COL19A1: variants seen among roughly 807,000 people sequenced by gnomAD.
COL19A1 encodes collagen alpha-1(XIX) chain.
A neutral mutation model predicts 190.2 loss-of-function variants in COL19A1; 159 were observed. The observed-to-expected ratio is 0.84, with a 90% confidence interval of 0.73 to 0.95. COL19A1 has a LOEUF of 0.95. Ranked by LOEUF, COL19A1 falls within the 40% of genes least tolerant of loss-of-function variation. COL19A1 has a pLI of 0.00. For missense variants in COL19A1, 1,418 were observed against 1,431.9 expected (o/e 0.99, Z 0.16); for synonymous variants, 509 against 458.9 (o/e 1.11, Z -1.39).
At chr6:70,101,041 G>T (rs1006223624) in intron 15 of COL19A1, among the ~76,000 whole-genome samples, 4 of 152,096 alleles carry the variant, frequency 2.6e-5, no homozygotes, top group Non-Finnish European at 4.4e-5. Flanking sequence ...AGGCAACTTT[G>T]CCTGACATTT....
At chr6:70,172,991 T>G (rs1464572255) in intron 41 of COL19A1, among the ~76,000 whole-genome samples, 1 of 152,220 alleles carries the variant, frequency 6.6e-6, no homozygotes, top group East Asian at 1.9e-4. Context: ...AAGGTAGCAC[T>G]GATAGGATTT....
chr6:70,149,643 C>T, intron 27 of COL19A1, 61 bp from the exon 28 acceptor site: 3 of 1,594,418 alleles, frequency 1.9e-6, no homozygotes, highest in Non-Finnish European at 1.7e-6. Flanking sequence ...TTTTATGTCA[C>T]TTGGATAATT....
chr6:70,082,791 G>T (rs1401992864), intron 15 of COL19A1, among the ~76,000 whole-genome samples: 6 of 152,180 alleles, frequency 3.9e-5, no homozygotes, highest in Admixed American at 3.9e-4. Context: ...TTTTCTGGAA[G>T]ATTTTTCAAG....
At chr6:69,987,387 A>T (rs1776369868) in intron 11 of COL19A1, among the ~76,000 whole-genome samples, 1 of 152,142 alleles carries the variant, frequency 6.6e-6, no homozygotes, top group Non-Finnish European at 1.5e-5. Context: ...GACTCAGTGA[A>T]AATTAGACTT....
chr6:69,989,704 A>G (rs1004466223), intron 11 of COL19A1, among the ~76,000 whole-genome samples: 15 of 152,054 alleles, frequency 9.9e-5, no homozygotes, highest in Admixed American at 5.3e-4. Context: ...AACTTGCTCA[A>G]TAGCCACAGA....
chr6:69,945,213 G>A (rs1331717623), intron 9 of COL19A1, among the ~76,000 whole-genome samples: 1 of 151,964 alleles, frequency 6.6e-6, no homozygotes, highest in Non-Finnish European at 1.5e-5. Context: ...TTGCCAAAAT[G>A]TGTTGACTTT....
rs1768099523 is a variant in COL19A1, at chr6:70,210,133, A to C, written c.*2859A>C. Among the ~76,000 whole-genome samples the C allele has an allele frequency of 6.6e-6, 1 of 152,186 alleles. No individual in the cohort carries two copies. Among genetic ancestry groups the C allele is most frequent in the Non-Finnish European group, 1.5e-5 (1 of 68,006 alleles). On this transcript the variant is annotated 3_prime_UTR_variant, in exon 51 of 51. Transcript: ENST00000620364. ...TCCAGAAAACAACATACATGTTTAA[A>C]TACAAAATAATTATGGGCCATGACG...
intron 11 of COL19A1, among the ~76,000 whole-genome samples, chr6:69,991,154 A>G (rs539161848): frequency 1.3e-5 from 2 of 152,060 alleles, no homozygotes; most frequent in East Asian, 3.9e-4. Flanking sequence ...ATTTGGTTTT[A>G]TGTTCCTATG....
At chr6:70,076,025 T>A (rs1403961691) in intron 15 of COL19A1, among the ~76,000 whole-genome samples, 3 of 152,168 alleles carry the variant, frequency 2.0e-5, no homozygotes, top group Non-Finnish European at 4.4e-5. Context: ...CCAAGAGCTG[T>A]TCTCTGATGT....
At chr6:69,929,377 T>C in intron 5 of COL19A1, 48 bp from the exon 6 acceptor site, 1 of 1,556,820 alleles carries the variant, frequency 6.4e-7, no homozygotes, top group Non-Finnish European at 8.7e-7. Flanking sequence ...TTTAATAATT[T>C]TGAACATTGA....
intron 14 of COL19A1, among the ~76,000 whole-genome samples, chr6:70,039,360 T>C (rs1779516125): frequency 6.6e-6 from 1 of 152,236 alleles, no homozygotes; most frequent in South Asian, 2.1e-4. Context: ...CCCAACCTGA[T>C]TACTTTCAGG....
intron 4 of COL19A1, among the ~76,000 whole-genome samples, chr6:69,916,937 G>A (rs1453620881): frequency 6.6e-6 from 1 of 152,184 alleles, no homozygotes; most frequent in African/African-American, 2.4e-5. Flanking sequence ...CTCTGGCAGA[G>A]TAAAGGTGAG....
chr6:70,112,584 G>A (rs1784344616), intron 16 of COL19A1, among the ~76,000 whole-genome samples: 1 of 152,034 alleles, frequency 6.6e-6, no homozygotes. Flanking sequence ...CAATTAGGTT[G>A]ATATCTGGGG....
Position 69,972,391 on chromosome 6 carries a change from C to T in COL19A1, c.1026+9521C>T, listed in dbSNP as rs1038164973. Among the ~76,000 whole-genome samples, 7 of 152,286 alleles carry T rather than the reference C, an allele frequency of 4.6e-5. No homozygotes were observed. In the East Asian group the frequency reaches 7.7e-4, roughly 17 times the overall value. On this transcript the variant is annotated intron_variant, in intron 11 of 50. Transcript: ENST00000620364. Reference sequence around the variant, plus strand: ...TAGAGTAGAAGCTTCAAGAAAACAACGACCATGTCTGTCTGTGTACGTTTT... The same window carrying T: ...TAGAGTAGAAGCTTCAAGAAAACAATGACCATGTCTGTCTGTGTACGTTTT...
intron 48 of COL19A1, among the ~76,000 whole-genome samples, chr6:70,192,199 TA>T (rs1355524716): frequency 1.3e-5 from 2 of 152,176 alleles, no homozygotes; most frequent in Non-Finnish European, 2.9e-5. Flanking sequence ...TAGCTGGGAT[TA>T]CAGGCACCCA....
At chr6:69,898,272 A>G (rs944772678) in intron 2 of COL19A1, among the ~76,000 whole-genome samples, 7 of 152,206 alleles carry the variant, frequency 4.6e-5, no homozygotes, top group African/African-American at 1.7e-4. Context: ...GCCTGATTCA[A>G]TTTAAACATG....
intron 40 of COL19A1, among the ~76,000 whole-genome samples, chr6:70,171,130 CT>C (rs1765476539): frequency 6.6e-6 from 1 of 152,168 alleles, no homozygotes; most frequent in African/African-American, 2.4e-5. Context: ...TGTAAACTTT[CT>C]TAAAACATTA....
At chr6:70,036,653 G>A (rs1335071145) in intron 14 of COL19A1, among the ~76,000 whole-genome samples, 3 of 151,748 alleles carry the variant, frequency 2.0e-5, no homozygotes, top group African/African-American at 7.3e-5. Context: ...ATGGAAAAGA[G>A]GACAGTTTTG....
At chr6:69,878,660 T>TTATTG (rs779760713) in intron 1 of COL19A1, among the ~76,000 whole-genome samples, 11 of 152,278 alleles carry the variant, frequency 7.2e-5, no homozygotes, top group East Asian at 1.9e-4. Context: ...AAAAATAGAA[T>TTATTG]TATTGTATTG....
Sources: gnomAD v4.1 joint callset for allele counts (sites outside exome capture counted in the v4.1 genomes callset) on GRCh38, gnomAD v4.1.1 for gene constraint, MANE v1.5 for transcripts, NCBI Gene and HGNC (gene_info 2026-07-23, HGNC 2026-07-21) for gene names.